Variants in DPP10 observed in about 807,000 individuals in gnomAD.
DPP10 encodes the protein inactive dipeptidyl peptidase 10.
In DPP10, 33 loss-of-function variants were observed where a neutral mutation model predicts 120.9. The ratio of observed to expected loss-of-function variants is 0.27; its 90% CI spans 0.21 to 0.37. The LOEUF is 0.37. DPP10 is among the 10% of genes least tolerant of loss of function. The probability of loss-of-function intolerance (pLI) is 1.00; values close to 1 mark genes in which losing one functional copy is unlikely to be tolerated. For missense variants in DPP10, 816 were observed against 942.8 expected (o/e 0.87, Z 1.76); for synonymous variants, 337 against 326.1 (o/e 1.03, Z -0.36).
At chr2:115,351,066 C>G (rs914714900) in intron 3 of DPP10, among the ~76,000 whole-genome samples, 1 of 152,062 alleles carries the variant, frequency 6.6e-6, no homozygotes, top group Non-Finnish European at 1.5e-5. Context: ...AAGACCCATA[C>G]ATTTGCATGT....
At chr2:115,342,292 C>T (rs1005207340) in intron 2 of DPP10, 49 of 312,542 alleles carry the variant, frequency 1.6e-4, no homozygotes, top group South Asian at 9.0e-4. Context: ...CTGCAGCCTC[C>T]GCCTCCTGTG....
intron 5 of DPP10, among the ~76,000 whole-genome samples, chr2:115,659,946 A>C (rs2088773038): frequency 6.6e-6 from 1 of 152,194 alleles, no homozygotes; most frequent in Non-Finnish European, 1.5e-5. Flanking sequence ...TGTACTCACA[A>C]AGAAGCCACA....
At chr2:114,848,536 C>A (rs1349445869) in intron 1 of DPP10, among the ~76,000 whole-genome samples, 1 of 152,062 alleles carries the variant, frequency 6.6e-6, no homozygotes, top group African/African-American at 2.4e-5. Context: ...GCCCCAAGGA[C>A]AATAAACAAT....
At chr2:114,553,071 T>A (rs911657752) in intron 1 of DPP10, among the ~76,000 whole-genome samples, 2 of 152,232 alleles carry the variant, frequency 1.3e-5, no homozygotes, top group Non-Finnish European at 2.9e-5. Flanking sequence ...GCATGTGATG[T>A]TGTTTAATTT....
At chr2:115,561,871 G>A (rs1055814674) in intron 5 of DPP10, among the ~76,000 whole-genome samples, 7 of 152,022 alleles carry the variant, frequency 4.6e-5, no homozygotes, top group Non-Finnish European at 7.4e-5. Context: ...AAAGCAAAAC[G>A]AACACTTCCA....
At position 114,993,580 on chromosome 2, in the gene DPP10, GTATA is replaced by G. The variant is rs59593945; in HGVS notation, c.61-315635_61-315632del. On this transcript the variant is annotated intron_variant, in intron 1 of 25. Transcript: ENST00000410059. ...ATTCTTATTATGTGTGTGTGTGTGT[GTATA>G]TATATATATATATATATATATATGA... is the stretch of plus-strand genomic sequence containing the variant. 4.4e-4 allele frequency among the ~76,000 whole-genome samples: 43 copies of G among 97,354 alleles called. 1 individual carries two copies. The highest frequency in any genetic ancestry group is 1.1e-3 in the African/African-American group (29 of 27,122). 63.9% of individuals were successfully genotyped at this position (97,354 alleles called of 152,430 possible).
chr2:115,028,588 C>T (rs1703631323), intron 1 of DPP10, among the ~76,000 whole-genome samples: 6 of 151,940 alleles, frequency 3.9e-5, no homozygotes, highest in Admixed American at 3.9e-4. Flanking sequence ...TGTTATGGGT[C>T]TAGTGTGTAG....
intron 1 of DPP10, among the ~76,000 whole-genome samples, chr2:114,443,290 G>T (rs1677760647): frequency 6.6e-6 from 1 of 152,084 alleles, no homozygotes; most frequent in Admixed American, 6.5e-5. Flanking sequence ...TGTGAGCATT[G>T]AACTGGTGGT....
chr2:114,936,688 AC>A (rs1185515290), intron 1 of DPP10, among the ~76,000 whole-genome samples: 1 of 152,092 alleles, frequency 6.6e-6, no homozygotes, highest in Non-Finnish European at 1.5e-5. Context: ...CTGTAGTTGT[AC>A]TATTCACTAT....
chr2:114,502,538 T>A (rs1683290347), intron 1 of DPP10, among the ~76,000 whole-genome samples: 1 of 152,234 alleles, frequency 6.6e-6, no homozygotes, highest in South Asian at 2.1e-4. Flanking sequence ...GGATAAGTAA[T>A]AAGTCACTTG....
intron 3 of DPP10, among the ~76,000 whole-genome samples, chr2:115,464,598 C>T (rs973502148): frequency 6.6e-6 from 1 of 152,108 alleles, no homozygotes; most frequent in African/African-American, 2.4e-5. Context: ...ACATGCTACT[C>T]CTCAGGCCCA....
chr2:114,528,726 AC>A (rs986157525), intron 1 of DPP10, among the ~76,000 whole-genome samples: 5 of 151,424 alleles, frequency 3.3e-5, no homozygotes, highest in African/African-American at 1.2e-4. Context: ...TCTCAACATC[AC>A]CACACTGTCC....
intron 1 of DPP10, among the ~76,000 whole-genome samples, chr2:115,177,849 C>T (rs1379214556): frequency 2.0e-5 from 3 of 152,034 alleles, no homozygotes; most frequent in Admixed American, 1.3e-4. Flanking sequence ...CTGCAAGCTC[C>T]GCCTGCCAGG....
intron 19 of DPP10, among the ~76,000 whole-genome samples, chr2:115,796,233 C>T (rs987982911): frequency 1.3e-5 from 2 of 152,048 alleles, no homozygotes; most frequent in Non-Finnish European, 2.9e-5. Flanking sequence ...TTTGCCTGCC[C>T]ACCTGGAGAA....
At chr2:115,536,447 A>G (rs1366281097) in intron 5 of DPP10, among the ~76,000 whole-genome samples, 1 of 152,016 alleles carries the variant, frequency 6.6e-6, no homozygotes, top group East Asian at 1.9e-4. Flanking sequence ...TCACTATTAC[A>G]AAAATCTGTC....
intron 1 of DPP10, among the ~76,000 whole-genome samples, chr2:114,483,922 G>A (rs1419571510): frequency 6.6e-6 from 1 of 152,146 alleles, no homozygotes; most frequent in Non-Finnish European, 1.5e-5. Flanking sequence ...CTGTCATTTT[G>A]TCATACTCCC....
At chr2:115,394,973 T>G (rs766715783) in intron 3 of DPP10, among the ~76,000 whole-genome samples, 8 of 152,152 alleles carry the variant, frequency 5.3e-5, no homozygotes, top group Non-Finnish European at 8.8e-5. Context: ...ATAAGTGAGT[T>G]CTCCTAATGC....
chr2:115,111,140 TTTCCTTTC>T, intron 1 of DPP10, among the ~76,000 whole-genome samples: 1 of 152,244 alleles, frequency 6.6e-6, no homozygotes, highest in East Asian at 1.9e-4. Flanking sequence ...AGTAGTAGCT[TTTCCTTTC>T]TTATGTGCTT....
intron 3 of DPP10, among the ~76,000 whole-genome samples, chr2:115,431,871 T>C (rs2071023306): frequency 6.6e-6 from 1 of 152,136 alleles, no homozygotes; most frequent in African/African-American, 2.4e-5. Flanking sequence ...TGAACACTAG[T>C]GTTCTGAATC....
Sources: allele counts gnomAD v4.1 joint callset (sites outside exome capture counted in the v4.1 genomes callset), GRCh38; gene constraint gnomAD v4.1.1; transcripts MANE v1.5; gene names NCBI Gene and HGNC (gene_info 2026-07-23, HGNC 2026-07-21).